ATP6V0E1: variants seen among roughly 807,000 people sequenced by gnomAD.
The protein encoded by ATP6V0E1 is ATPase H+ transporting V0 subunit e1, also known as V-type proton ATPase subunit e 1.
Under a neutral mutation model 11.6 loss-of-function variants are expected in ATP6V0E1, and 4 were observed. The observed-to-expected ratio is 0.35, with a 90% CI of 0.17 to 0.79. The LOEUF is 0.79. ATP6V0E1 is among the 30% of genes least tolerant of loss of function. The probability of loss-of-function intolerance (pLI) is 0.54; values close to 1 mark genes in which losing one functional copy is unlikely to be tolerated. For synonymous variants in ATP6V0E1, 36 were observed against 34.8 expected (o/e 1.04, Z -0.13); for missense variants, 105 against 100.0 (o/e 1.05, Z -0.21).
Position 173,010,256 on chromosome 5 carries a change from A to G in ATP6V0E1, c.153-9982A>G, listed in dbSNP as rs1256076404. Among the ~76,000 whole-genome samples, 3 of 152,168 alleles carry G rather than the reference A, an allele frequency of 2.0e-5. No individual in the cohort carries two copies. In the East Asian group the frequency reaches 5.8e-4, roughly 29 times the overall value. ...GTGGAGATGAGAATGACTCAGTGCT[A>G]CATGAGAAACTCCTTTGTGAAGTAA... On this transcript the variant is annotated intron_variant, in intron 2 of 3. Coordinates refer to ENST00000519374, the MANE Select transcript of ATP6V0E1 (RefSeq NM_003945.4).
At chr5:172,995,924 T>G (rs1219105803) in intron 2 of ATP6V0E1, among the ~76,000 whole-genome samples, 2 of 152,190 alleles carry the variant, frequency 1.3e-5, no homozygotes, top group Non-Finnish European at 2.9e-5. Flanking sequence ...AGGATTTCTT[T>G]CTAGAGTTTA....
In ATP6V0E1 at chr5:172,983,789, G is replaced by A; in HGVS notation, c.-72G>A. The stretch of plus-strand genomic sequence containing the variant: ...GGGGCTTGCACACGCTGGTCACGCG[G>A]TCAGCTATTGACACTTCCTGGTGGG... On this transcript the variant is annotated 5_prime_UTR_variant, in exon 1 of 4. Transcript: ENST00000519374. 2 of 1,449,998 alleles carry A rather than the reference G, an allele frequency of 1.4e-6. No individual in the cohort carries two copies. The highest frequency in any genetic ancestry group is 1.9e-6 in the Non-Finnish European group (2 of 1,037,186). 89.8% of individuals were successfully genotyped at this position (1,449,998 alleles called of 1,614,324 possible). A position where few individuals can be genotyped will look rare whatever the true frequency, so the allele number is the denominator to read the frequency against.
chr5:173,029,719 A>T (rs1371630986), intron 3 of ATP6V0E1, among the ~76,000 whole-genome samples: 1 of 152,124 alleles, frequency 6.6e-6, no homozygotes, highest in Non-Finnish European at 1.5e-5. Context: ...CTCTGATTGT[A>T]GAGAGTACAT....
At chr5:172,987,669 T>C (rs1274781536) in intron 1 of ATP6V0E1, among the ~76,000 whole-genome samples, 1 of 152,094 alleles carries the variant, frequency 6.6e-6, no homozygotes, top group Non-Finnish European at 1.5e-5. Context: ...AAGAGTAAAC[T>C]TTTGAAAACA....
chr5:172,997,618 G>C (rs544687102), intron 2 of ATP6V0E1, among the ~76,000 whole-genome samples: 2 of 149,918 alleles, frequency 1.3e-5, no homozygotes, highest in South Asian at 2.1e-4. Context: ...GACCATCCTG[G>C]CTAACACAGT....
intron 2 of ATP6V0E1, among the ~76,000 whole-genome samples, chr5:173,000,106 T>C (rs1756131476): frequency 6.6e-6 from 1 of 152,200 alleles, no homozygotes; most frequent in South Asian, 2.1e-4. Context: ...AAGTCATGTT[T>C]TGAAATGCAT....
intron 2 of ATP6V0E1, among the ~76,000 whole-genome samples, chr5:173,015,630 C>T (rs1302470802): frequency 2.6e-5 from 4 of 152,194 alleles, no homozygotes; most frequent in Non-Finnish European, 4.4e-5. Flanking sequence ...AAGCTGGAAG[C>T]TATTCCTGGA....
At chr5:172,998,909 G>A (rs1756113085) in intron 2 of ATP6V0E1, among the ~76,000 whole-genome samples, 1 of 152,172 alleles carries the variant, frequency 6.6e-6, no homozygotes, top group Non-Finnish European at 1.5e-5. Context: ...GGGAGGCTGA[G>A]GCAGGCGGAT....
Position 173,020,222 on chromosome 5 carries a change from C to G in ATP6V0E1, c.153-16C>G, listed in dbSNP as rs1756458235. ...GATTTCACCGCTTCGTTGTTTCTCT[C>G]CCATCCTTCTTTTAGTTGGCTGATT... On this transcript the variant is annotated splice_polypyrimidine_tract_variant and intron_variant, in intron 2 of 3. Coordinates refer to ENST00000519374, the MANE Select transcript of ATP6V0E1 (RefSeq NM_003945.4). 2 of 1,598,104 alleles carry G rather than the reference C, an allele frequency of 1.3e-6. No homozygotes were observed. Among genetic ancestry groups the G allele is most frequent in the Non-Finnish European group, 1.7e-6 (2 of 1,165,684 alleles).
intron 1 of ATP6V0E1, among the ~76,000 whole-genome samples, chr5:172,985,320 C>T (rs1215761250): frequency 2.6e-5 from 4 of 151,160 alleles, no homozygotes; most frequent in Admixed American, 6.6e-5. Context: ...CCCTTTTGCT[C>T]CCTGGGATAC....
intron 3 of ATP6V0E1, among the ~76,000 whole-genome samples, chr5:173,032,156 A>C (rs116478134): frequency 0.013 from 2,014 of 152,152 alleles, 50 homozygotes; most frequent in African/African-American, 0.046. Context: ...ACCCTGTCTC[A>C]AGAATAAATA....
At chr5:173,029,776 C>T (rs963829630) in intron 3 of ATP6V0E1, among the ~76,000 whole-genome samples, 2 of 152,072 alleles carry the variant, frequency 1.3e-5, no homozygotes, top group Non-Finnish European at 2.9e-5. Context: ...CAACTTTTGC[C>T]GGGTCACCAG....
intron 2 of ATP6V0E1, among the ~76,000 whole-genome samples, chr5:173,000,584 G>A (rs1387085658): frequency 6.6e-6 from 1 of 152,060 alleles, no homozygotes; most frequent in Non-Finnish European, 1.5e-5. Context: ...GGTTCTTTTA[G>A]GCAAAAGGAT....
At chr5:172,990,586 T>G (rs1230143589) in intron 1 of ATP6V0E1, among the ~76,000 whole-genome samples, 5 of 152,102 alleles carry the variant, frequency 3.3e-5, no homozygotes, top group African/African-American at 4.8e-5. Context: ...CCCGGCACTT[T>G]GGAAGGCTGA....
intron 1 of ATP6V0E1, among the ~76,000 whole-genome samples, chr5:172,992,253 G>A (rs1377330311): frequency 6.6e-6 from 1 of 152,056 alleles, no homozygotes; most frequent in Non-Finnish European, 1.5e-5. Flanking sequence ...GGGTTTCACC[G>A]TGTTAGCCAG....
At chr5:172,993,599 A>C (rs1756016012) in intron 1 of ATP6V0E1, among the ~76,000 whole-genome samples, 1 of 151,724 alleles carries the variant, frequency 6.6e-6, no homozygotes, top group Admixed American at 6.6e-5. Flanking sequence ...TCACACCAGT[A>C]ATCCCAACAC....
chr5:172,997,687 C>T (rs1007161173), intron 2 of ATP6V0E1, among the ~76,000 whole-genome samples: 2 of 152,076 alleles, frequency 1.3e-5, no homozygotes, highest in African/African-American at 4.8e-5. Flanking sequence ...GTGGTGGGTG[C>T]CTGTAGTCCC....
intron 3 of ATP6V0E1, 29 bp from the exon 4 acceptor site, chr5:173,034,370 C>T: frequency 1.4e-6 from 1 of 702,790 alleles, no homozygotes; most frequent in Non-Finnish European, 2.6e-6. Context: ...TGTATGAGGA[C>T]CAGTTACCAG....
At chr5:172,987,179 A>G in intron 1 of ATP6V0E1, 1 of 195,490 alleles carries the variant, frequency 5.1e-6, no homozygotes, top group Non-Finnish European at 1.1e-5. Flanking sequence ...TCATAGGTGG[A>G]ATTAAGAAAT....
Sources: allele counts gnomAD v4.1 joint callset (sites outside exome capture counted in the v4.1 genomes callset), GRCh38; gene constraint gnomAD v4.1.1; transcripts MANE v1.5; gene names NCBI Gene and HGNC (gene_info 2026-07-23, HGNC 2026-07-21).